Variants in FIGNL2 observed in about 807,000 individuals in gnomAD.
FIGNL2 encodes the protein fidgetin-like protein 2.
For synonymous variants in FIGNL2, 565 were observed against 484.0 expected (o/e 1.17, Z -2.20); for missense variants, 1,060 against 950.2 (o/e 1.12, Z -1.52).
chr12:51,820,306 A>G lies in FIGNL2; in HGVS notation c.*146T>C. On this transcript the variant is annotated 3_prime_UTR_variant, in exon 2 of 2. Coordinates refer to ENST00000618634, the MANE Select transcript of FIGNL2 (RefSeq NM_001384995.1). ...GCATTTTCCTTCCCACGAAAAAAAA[A>G]ATATCCACCGGCAGACCCCTCCTGT... is the stretch of plus-strand genomic sequence containing the variant. 9.2e-7 allele frequency: 1 copy of G among 1,092,244 alleles called. No individual in the cohort carries two copies. The highest frequency in any genetic ancestry group is 1.3e-6 in the Non-Finnish European group (1 of 795,186). The allele number at this position is 1,092,244 out of a possible 1,614,324, so 67.7% of individuals were successfully genotyped here. A position where few individuals can be genotyped will look rare whatever the true frequency, so the allele number is the denominator to read the frequency against.
chr12:51,829,249 C>T (rs955376928), intron 1 of FIGNL2, among the ~76,000 whole-genome samples: 2 of 152,260 alleles, frequency 1.3e-5, no homozygotes, highest in Non-Finnish European at 2.9e-5. Flanking sequence ...CTCCCACAGG[C>T]CTTTTGTCCC....
intron 1 of FIGNL2, among the ~76,000 whole-genome samples, chr12:51,841,088 T>C (rs1164598562): frequency 6.6e-6 from 1 of 152,238 alleles, no homozygotes; most frequent in Non-Finnish European, 1.5e-5. Context: ...CAGCCCCTCC[T>C]GCCCTCTTCC....
intron 1 of FIGNL2, among the ~76,000 whole-genome samples, chr12:51,837,555 G>C (rs540423922): frequency 4.6e-5 from 7 of 152,184 alleles, no homozygotes; most frequent in African/African-American, 1.7e-4. Flanking sequence ...CGCCAGGCCC[G>C]ACTGCAACCT....
At chr12:51,845,460 G>A (rs1350435133) in intron 1 of FIGNL2, 2 of 942,022 alleles carry the variant, frequency 2.1e-6, no homozygotes, top group Non-Finnish European at 2.5e-6. Context: ...GTGGCTCACC[G>A]CCCCCCCCCC....
chr12:51,834,206 T>C (rs1483455988), intron 1 of FIGNL2, among the ~76,000 whole-genome samples: 1 of 151,926 alleles, frequency 6.6e-6, no homozygotes, highest in African/African-American at 2.4e-5. Context: ...TGACTAAATT[T>C]GAGTGTACAT....
At chr12:51,847,785 G>T (rs1174053312) in intron 1 of FIGNL2, 2 of 985,238 alleles carry the variant, frequency 2.0e-6, no homozygotes, top group Admixed American at 1.2e-4. Context: ...GCTAGCATGC[G>T]AATCTCTGTG....
rs568200383 is a variant in FIGNL2 at position 51,822,021 on chromosome 12, G to T, written c.393C>A (p.Gly131=). ...GGAGGTTCCCGGCTAAAACTGGGGA[G>T]CCCCCCAGGGCCCCGGAACCGCCGC... ...GGGGGSGALG[G]SPVLAGNLPE... is the part of the protein sequence containing the mutation. Residue 131 remains glycine, a synonymous_variant, in exon 2 of 2, where the codon GGC becomes GGA. Transcript: ENST00000618634. 1.2e-6 allele frequency: 2 copies of T among 1,601,120 alleles called. No homozygotes were observed. The highest frequency in any genetic ancestry group is 1.3e-5 in the African/African-American group (1 of 74,790).
intron 1 of FIGNL2, 176 bp downstream of exon 1, chr12:51,848,364 C>T (rs1939797528): frequency 3.1e-6 from 3 of 982,390 alleles, no homozygotes; most frequent in South Asian, 4.7e-5. Context: ...CTCCCACGTA[C>T]CCGCTAGGGT....
chr12:51,821,842 G>A lies in FIGNL2; in HGVS notation c.572C>T (p.Pro191Leu). The A allele has an allele frequency of 7.8e-7, 1 of 1,280,784 alleles. No individual in the cohort carries two copies. Among genetic ancestry groups the A allele is most frequent in the Non-Finnish European group, 9.8e-7 (1 of 1,016,760 alleles). The allele number at this position is 1,280,784 out of a possible 1,614,324, so 79.3% of individuals were successfully genotyped here. A position where few individuals can be genotyped will look rare whatever the true frequency, so the allele number is the denominator to read the frequency against. ...PPPPAALLQP[P>L]PPPGYGPSAP... The stretch of plus-strand genomic sequence containing the variant: ...TGAGGGCCCGTACCCCGGAGGCGGT[G>A]GGGGCTGCAGGAGCGCGGCCGGGGG... Residue 191 changes from proline to leucine, a missense_variant, in exon 2 of 2, where the codon CCA becomes CTA. By Grantham distance (98) the Pro-to-Leu change is moderately conservative (BLOSUM62 -3). Coordinates refer to ENST00000618634, the MANE Select transcript of FIGNL2 (RefSeq NM_001384995.1).
At chr12:51,837,193 C>G (rs1592193757) in intron 1 of FIGNL2, among the ~76,000 whole-genome samples, 1 of 152,214 alleles carries the variant, frequency 6.6e-6, no homozygotes, top group East Asian at 1.9e-4. Flanking sequence ...GGCCCCAGCT[C>G]CAGCCGTGAA....
Position 51,820,335 on chromosome 12 carries a change from C to T in FIGNL2, c.*117G>A. On this transcript the variant is annotated 3_prime_UTR_variant, in exon 2 of 2. Coordinates refer to ENST00000618634, the MANE Select transcript of FIGNL2 (RefSeq NM_001384995.1). ...TCCACCGGCAGACCCCTCCTGTCCC[C>T]GATCCCACATTCACCACTCCAGCCC... is the stretch of plus-strand genomic sequence containing the variant. The T allele has an allele frequency of 3.7e-6, 5 of 1,348,182 alleles. No individual in the cohort carries two copies. The highest frequency in any genetic ancestry group is 4.9e-6 in the Non-Finnish European group (5 of 1,014,138). 83.5% of individuals were successfully genotyped at this position (1,348,182 alleles called of 1,614,324 possible). A position where few individuals can be genotyped will look rare whatever the true frequency, so the allele number is the denominator to read the frequency against.
intron 1 of FIGNL2, among the ~76,000 whole-genome samples, chr12:51,838,468 C>T (rs1173803297): frequency 1.3e-5 from 2 of 152,204 alleles, no homozygotes; most frequent in East Asian, 1.9e-4. Flanking sequence ...GAAAGACTGA[C>T]CCACGGCTTG....
rs1939239324 is a variant in FIGNL2, at chr12:51,822,368, C to T, written c.46G>A (p.Glu16Lys). ...GTGGAGGAGACGTCCAGGTGCTGCT[C>T]TGGCCACTGGTTGAGGGGCTGGGCG... ...EHAQPLNQWP[E>K]QHLDVSSTTP... Residue 16 changes from glutamate (E) to lysine (K), a missense_variant, in exon 2 of 2, where the codon GAG (glutamate) becomes AAG (lysine). Physicochemically the swap from Glu to Lys is moderately conservative, Grantham distance 56 (BLOSUM62 1). Transcript: ENST00000618634. 1.2e-6 allele frequency: 2 copies of T among 1,613,686 alleles called. No individual in the cohort carries two copies. Among genetic ancestry groups the T allele is most frequent in the Non-Finnish European group, 1.7e-6 (2 of 1,179,810 alleles).
At position 51,821,038 on chromosome 12, in the gene FIGNL2, G is replaced by C. The variant is rs1229806344; in HGVS notation, c.1376C>G (p.Ala459Gly). The change falls in exon 2 of 2, where the codon GCG becomes GGG. Residue 459 changes from alanine to glycine, a missense_variant. Coordinates refer to ENST00000618634, the MANE Select transcript of FIGNL2 (RefSeq NM_001384995.1). ...LGATLLRLRGATLAAPGAAEG... is the reference protein window; with the variant it reads ...LGATLLRLRGGTLAAPGAAEG... ...GGCGGCGCCGGGCGCAGCCAGGGTC[G>C]CGCCGCGCAGGCGCAACAGCGTGGC... 1.7e-6 allele frequency: 2 copies of C among 1,187,730 alleles called. No individual in the cohort carries two copies. Among genetic ancestry groups the C allele is most frequent in the Non-Finnish European group, 2.1e-6 (2 of 961,752 alleles). The allele number at this position is 1,187,730 out of a possible 1,614,324, so 73.6% of individuals were successfully genotyped here.
intron 1 of FIGNL2, among the ~76,000 whole-genome samples, chr12:51,828,906 G>A (rs1343691854): frequency 1.3e-5 from 2 of 152,340 alleles, no homozygotes; most frequent in Admixed American, 1.3e-4. Context: ...TTTACAGGGT[G>A]AGGTAGGAAG....
chr12:51,821,113 CG>C lies in FIGNL2; in HGVS notation c.1300del (p.Arg434GlyfsTer60). 7.2e-7 allele frequency: 1 copy of C among 1,384,736 alleles called. No homozygotes were observed. Among genetic ancestry groups the C allele is most frequent in the Non-Finnish European group, 9.3e-7 (1 of 1,080,526 alleles). 85.8% of individuals were successfully genotyped at this position (1,384,736 alleles called of 1,614,324 possible). A position where few individuals can be genotyped will look rare whatever the true frequency, so the allele number is the denominator to read the frequency against. On this transcript the variant is annotated frameshift_variant, in exon 2 of 2. Coordinates refer to ENST00000618634, the MANE Select transcript of FIGNL2 (RefSeq NM_001384995.1). LOFTEE classifies it low-confidence loss of function (END_TRUNC). ...GCCCAGCAGCGCTTTGCCCGCGCCCCGCGGCCCAAAGAGCAGGACGGTCCGC... is the reference window on the plus strand; with the variant it reads ...GCCCAGCAGCGCTTTGCCCGCGCCCCCGGCCCAAAGAGCAGGACGGTCCGC... ...PPRTVLLFGP[R>X]GAGKALLGRC...
intron 1 of FIGNL2, among the ~76,000 whole-genome samples, chr12:51,827,314 C>G (rs1934996744): frequency 6.6e-6 from 1 of 152,126 alleles, no homozygotes; most frequent in African/African-American, 2.4e-5. Context: ...AATTTGAATC[C>G]AGGCCCAAAC....
At position 51,822,443 on chromosome 12, in the gene FIGNL2, A is replaced by T. The variant is rs1448343216; in HGVS notation, c.-11-19T>A. On this transcript the variant is annotated intron_variant, in intron 1 of 1. Coordinates refer to ENST00000618634, the MANE Select transcript of FIGNL2 (RefSeq NM_001384995.1). ...AACAGAGCTGCGGGCAAGAGACAGG[A>T]GGTCTGGTGAGGTCTAGCCACCGAG... The T allele has an allele frequency of 6.2e-7, 1 of 1,610,934 alleles. No homozygotes were observed. The highest frequency in any genetic ancestry group is 1.7e-5 in the Admixed American group (1 of 59,600).
At position 51,821,024 on chromosome 12, in the gene FIGNL2, G is replaced by A. The variant is rs1939166258; in HGVS notation, c.1390C>T (p.Pro464Ser). ...AGGCGCGCGCCCTCGGCGGCGCCGG[G>A]CGCAGCCAGGGTCGCGCCGCGCAGG... ...LRLRGATLAA[P>S]GAAEGARLLQ... is the part of the protein sequence containing the mutation. Residue 464 changes from proline (P) to serine (S), a missense_variant, in exon 2 of 2, where the codon CCC (proline) becomes TCC (serine). Transcript: ENST00000618634. The A allele has an allele frequency of 4.9e-5, 58 of 1,176,704 alleles. No homozygotes were observed. The highest frequency in any genetic ancestry group is 5.8e-5 in the Non-Finnish European group (55 of 954,594). 72.9% of individuals were successfully genotyped at this position (1,176,704 alleles called of 1,614,324 possible).
Sources: gnomAD v4.1 joint callset for allele counts (sites outside exome capture counted in the v4.1 genomes callset) on GRCh38, gnomAD v4.1.1 for gene constraint, MANE v1.5 for transcripts, NCBI Gene and HGNC (gene_info 2026-07-23, HGNC 2026-07-21) for gene names.